Variants in PPP1R12C observed in about 807,000 individuals in gnomAD.
The protein encoded by PPP1R12C is leukocyte receptor cluster (LRC) encoded novel gene 3.
A neutral mutation model predicts 95.6 loss-of-function variants in PPP1R12C; 48 were observed. The observed-to-expected ratio is 0.50, with a 90% CI of 0.40 to 0.64. The LOEUF is 0.64. Among genes scored for constraint, PPP1R12C ranks in the 30% least tolerant of loss-of-function variants. PPP1R12C has a pLI of 0.00. For missense variants in PPP1R12C, 1,057 were observed against 1,083.3 expected, an observed-to-expected ratio of 0.98 and a Z score of 0.34; for synonymous variants, 480 against 460.8, an observed-to-expected ratio of 1.04 and a Z score of -0.53.
Position 55,091,407 on chromosome 19 carries a change from C to A in PPP1R12C, c.*65G>T. ...CGGAGCCCTGTCACTCGTGTTCACA[C>A]GGGGGAAGGGGTGCGTGTGGCAGAA... On this transcript the variant is annotated 3_prime_UTR_variant, in exon 22 of 22. Coordinates refer to ENST00000263433, the MANE Select transcript of PPP1R12C (RefSeq NM_017607.4). 1 of 1,478,288 alleles carries A rather than the reference C, an allele frequency of 6.8e-7. No individual in the cohort carries two copies. Among genetic ancestry groups the A allele is most frequent in the Non-Finnish European group, 9.3e-7 (1 of 1,071,352 alleles). 91.6% of individuals were successfully genotyped at this position (1,478,288 alleles called of 1,614,324 possible). A position where few individuals can be genotyped will look rare whatever the true frequency, so the allele number is the denominator to read the frequency against.
At chr19:55,091,612 A>G (rs775828742) in intron 21 of PPP1R12C, 38 bp downstream of exon 21, 2 of 792,290 alleles carry the variant, frequency 2.5e-6, no homozygotes, top group Non-Finnish European at 3.9e-6. Flanking sequence ...ACCCCCACCC[A>G]CCCTCGGCCC....
intron 3 of PPP1R12C, 69 bp from the exon 4 acceptor site, chr19:55,103,637 G>C: frequency 7.1e-7 from 1 of 1,409,022 alleles, no homozygotes; most frequent in African/African-American, 1.5e-5. Flanking sequence ...TCATACACTG[G>C]GCTGGCCAGG....
intron 4 of PPP1R12C, among the ~76,000 whole-genome samples, chr19:55,102,089 T>C (rs2084985758): frequency 6.6e-6 from 1 of 151,954 alleles, no homozygotes; most frequent in African/African-American, 2.4e-5. Context: ...GAAAAAAGAA[T>C]GAGGAGCCTG....
intron 16 of PPP1R12C, 30 bp from the exon 17 acceptor site, chr19:55,092,692 G>GT (rs1294190184): frequency 6.5e-7 from 1 of 1,530,906 alleles, no homozygotes; most frequent in African/African-American, 1.4e-5. Context: ...GGTTCAATGG[G>GT]TATGGGAGGG....
chr19:55,111,152 G>C (rs866930703), intron 3 of PPP1R12C, among the ~76,000 whole-genome samples: 16 of 60,990 alleles, frequency 2.6e-4, no homozygotes, highest in Admixed American at 8.6e-4. Context: ...TGGGGGGGAG[G>C]GGGGGGTGCA....
chr19:55,092,036 G>T, intron 19 of PPP1R12C, 127 bp from the exon 20 acceptor site: 1 of 1,273,354 alleles, frequency 7.9e-7, no homozygotes, highest in South Asian at 1.2e-5. Context: ...CACGGGCCAG[G>T]CCCCGCCACC....
chr19:55,098,903 G>A (rs1463638226), intron 5 of PPP1R12C, 45 bp from the exon 6 acceptor site: 2 of 1,611,162 alleles, frequency 1.2e-6, no homozygotes, highest in Non-Finnish European at 1.7e-6. Context: ...GGAGGTGCTG[G>A]GCCCTCCCCA....
Position 55,092,689 on chromosome 19 carries a change from T to A in PPP1R12C, c.1912-27A>T, listed in dbSNP as rs560344463. 7.2e-6 allele frequency: 11 copies of A among 1,523,202 alleles called. No homozygotes were observed. In the East Asian group the frequency reaches 2.4e-4, roughly 33 times the overall value. 94.4% of individuals were successfully genotyped at this position (1,523,202 alleles called of 1,614,324 possible). On this transcript the variant is annotated intron_variant, in intron 16 of 21. Transcript: ENST00000263433. ...TGTGGGCAGGTAGACGGGGGTTCAATGGGTATGGGAGGGACTTTAGCGGGT... is the reference window on the plus strand; with the variant it reads ...TGTGGGCAGGTAGACGGGGGTTCAAAGGGTATGGGAGGGACTTTAGCGGGT...
chr19:55,096,416 G>A, intron 6 of PPP1R12C, 81 bp from the exon 7 acceptor site: 3 of 1,498,628 alleles, frequency 2.0e-6, no homozygotes, highest in South Asian at 1.1e-5. Flanking sequence ...AGCTGTGCAG[G>A]AGCTCACTGC....
At chr19:55,112,418 A>G (rs1175899050) in intron 3 of PPP1R12C, 49 bp downstream of exon 3, 1 of 1,527,162 alleles carries the variant, frequency 6.5e-7, no homozygotes, top group Admixed American at 1.8e-5. Flanking sequence ...CCTGGAGACC[A>G]CGGGTGAGGA....
In PPP1R12C at chr19:55,117,207, G is replaced by A. The variant is rs1046294137; in HGVS notation, c.321+16C>T. 1 of 1,223,280 alleles carries A rather than the reference G, an allele frequency of 8.2e-7. No individual in the cohort carries two copies. The highest frequency in any genetic ancestry group is 1.0e-6 in the Non-Finnish European group (1 of 982,128). 75.8% of individuals were successfully genotyped at this position (1,223,280 alleles called of 1,614,324 possible). A position where few individuals can be genotyped will look rare whatever the true frequency, so the allele number is the denominator to read the frequency against. On this transcript the variant is annotated intron_variant, in intron 1 of 21. Transcript: ENST00000263433. ...GTGGACCTGGCCCCGGGAGACGCCG[G>A]GCGGGGGGCGCTGACCTGGTGCAGG...
rs768490500 is a variant in PPP1R12C, at chr19:55,094,372, G to C, written c.1656C>G (p.Leu552=). The change falls in exon 13 of 22, where the codon CTC becomes CTG. Residue 552 remains leucine (L), a synonymous_variant. Transcript: ENST00000263433. ...GTGTGGACCTCCGAGACTGGCGCAT[G>C]AGACGGGAGCGAGCTTTTCTCTGGG... ...SESQRKARSR[L]MRQSRRSTQG... 6.2e-7 allele frequency: 1 copy of C among 1,612,528 alleles called. No individual in the cohort carries two copies. The highest frequency in any genetic ancestry group is 8.5e-7 in the Non-Finnish European group (1 of 1,179,980).
chr19:55,096,633 G>C (rs546544767), intron 6 of PPP1R12C, among the ~76,000 whole-genome samples: 1 of 151,952 alleles, frequency 6.6e-6, no homozygotes, highest in Non-Finnish European at 1.5e-5. Flanking sequence ...GACCTGCTTA[G>C]ACCTCACCCC....
intron 1 of PPP1R12C, chr19:55,113,664 C>T (rs1182289130): frequency 8.5e-7 from 1 of 1,175,378 alleles, no homozygotes. Context: ...CCCCAAGTCC[C>T]TCACCTCTCC....
At position 55,091,128 on chromosome 19, in the gene PPP1R12C, C is replaced by T. The variant is rs936069008; in HGVS notation, c.*344G>A. On this transcript the variant is annotated 3_prime_UTR_variant, in exon 22 of 22. Coordinates refer to ENST00000263433, the MANE Select transcript of PPP1R12C (RefSeq NM_017607.4). ...TCCCTGCTCAGGAGGGGAGGGGTGA[C>T]GGGGTGGCATCACACGTGAGATGGG... 43 of 338,954 alleles carry T rather than the reference C, an allele frequency of 1.3e-4. No homozygotes were observed. Among genetic ancestry groups the T allele is most frequent in the African/African-American group, 6.6e-4 (31 of 47,138 alleles). 21.0% of individuals were successfully genotyped at this position (338,954 alleles called of 1,614,324 possible). A position where few individuals can be genotyped will look rare whatever the true frequency, so the allele number is the denominator to read the frequency against.
chr19:55,108,465 CAAA>C (rs932959041), intron 3 of PPP1R12C, among the ~76,000 whole-genome samples: 2 of 151,998 alleles, frequency 1.3e-5, no homozygotes, highest in Non-Finnish European at 2.9e-5. Flanking sequence ...CCCGTCTCCA[CAAA>C]AAATATAAAA....
intron 1 of PPP1R12C, among the ~76,000 whole-genome samples, chr19:55,116,288 T>G (rs1030832152): frequency 1.3e-5 from 2 of 149,330 alleles, no homozygotes; most frequent in Non-Finnish European, 3.0e-5. Context: ...GAAGACGGCA[T>G]GGGGTTGGGT....
intron 4 of PPP1R12C, among the ~76,000 whole-genome samples, chr19:55,100,880 G>A (rs541444847): frequency 1.2e-4 from 18 of 152,238 alleles, no homozygotes; most frequent in African/African-American, 4.1e-4. Flanking sequence ...CCAAAGTGCT[G>A]GGATTACAGG....
At position 55,117,413 on chromosome 19, in the gene PPP1R12C, G is replaced by T. The variant is rs572616835; in HGVS notation, c.131C>A (p.Ala44Asp). 5,996 of 1,021,692 alleles carry T rather than the reference G, an allele frequency of 5.9e-3. 26 individuals carry two copies. The highest frequency in any genetic ancestry group is 6.6e-3 in the Non-Finnish European group (5,638 of 855,880). The allele number at this position is 1,021,692 out of a possible 1,614,324, so 63.3% of individuals were successfully genotyped here. The change falls in exon 1 of 22, where the codon GCC becomes GAC. Residue 44 changes from alanine (A) to aspartate (D), a missense_variant. Physicochemically the swap from Ala to Asp is moderately radical, Grantham distance 126. Coordinates refer to ENST00000263433, the MANE Select transcript of PPP1R12C (RefSeq NM_017607.4). ...GGCGCGCTCGAAGCGGACGGTGCGG[G>T]CGCGGCGCTCTCCGGGGCCAGGCTC... ...GAEPGPGERR[A>D]RTVRFERAAE...
Sources: allele counts gnomAD v4.1 joint callset (sites outside exome capture counted in the v4.1 genomes callset), GRCh38; gene constraint gnomAD v4.1.1; transcripts MANE v1.5; gene names NCBI Gene and HGNC (gene_info 2026-07-23, HGNC 2026-07-21).